Variants in FGR observed in about 807,000 individuals in gnomAD.
FGR encodes FGR proto-oncogene, Src family tyrosine kinase.
A neutral mutation model predicts 63.2 loss-of-function variants in FGR; 26 were observed. The ratio of observed to expected loss-of-function variants is 0.41; its 90% CI spans 0.30 to 0.57. The LOEUF is 0.57. FGR is among the 20% of genes least tolerant of loss of function. The pLI, the probability that FGR is intolerant of heterozygous loss-of-function variation, is 0.27. For synonymous variants in FGR, 286 were observed against 277.7 expected, an observed-to-expected ratio of 1.03 and a Z score of -0.30; for missense variants, 511 against 690.8, an observed-to-expected ratio of 0.74 and a Z score of 2.92.
chr1:27,634,467 C>T (rs573409062), intron 1 of FGR, among the ~76,000 whole-genome samples: 78 of 152,306 alleles, frequency 5.1e-4, no homozygotes, highest in African/African-American at 1.8e-3. Flanking sequence ...CGGCCGCTAA[C>T]GTTACCCTGC....
At position 27,623,136 on chromosome 1, in the gene FGR, C is replaced by A. The variant is rs749974945; in HGVS notation, c.235G>T (p.Val79Leu). The change falls in exon 4 of 13, where the codon GTG becomes TTG. Residue 79 changes from valine (V) to leucine (L), a missense_variant. By Grantham distance (32) the Val-to-Leu change is conservative (BLOSUM62 1). Transcript: ENST00000374005. ...TCATACAGGGCAATGAACAGGGTCA[C>A]CCCAATCCCTGCAGAGTCAGGGCTA... ...GTIRGVSGIGVTLFIALYDYE... is the reference protein window; with the variant it reads ...GTIRGVSGIGLTLFIALYDYE... The A allele has an allele frequency of 6.2e-6, 10 of 1,613,344 alleles. No homozygotes were observed. In the East Asian group the frequency reaches 2.2e-4, roughly 36 times the overall value.
chr1:27,632,607 G>A (rs1557742189), intron 1 of FGR, among the ~76,000 whole-genome samples: 1 of 152,158 alleles, frequency 6.6e-6, no homozygotes, highest in Non-Finnish European at 1.5e-5. Flanking sequence ...GAGGCCATTA[G>A]CAGTTTTTTC....
rs1023215886 is a variant in FGR, at chr1:27,616,468, A to C, written c.682+389T>G. 6.6e-6 allele frequency among the ~76,000 whole-genome samples: 1 copy of C among 152,206 alleles called. No individual in the cohort carries two copies. Among genetic ancestry groups the C allele is most frequent in the African/African-American group, 2.4e-5 (1 of 41,458 alleles). ...GCATCCAAGCTCCACCAGCAGCCAG[A>C]GTTTCTCACAAAAGTGAGACCAGCC... On this transcript the variant is annotated intron_variant, in intron 7 of 12. Transcript: ENST00000374005. This position sits in a 1 kb window ranked among gnomAD's most constrained non-coding sequence, Gnocchi z 4.3.
chr1:27,623,176 G>A (rs1395608695), intron 3 of FGR, 32 bp from the exon 4 acceptor site: 1 of 1,541,014 alleles, frequency 6.5e-7, no homozygotes, highest in Non-Finnish European at 9.0e-7. Context: ...GCAGGGTAGG[G>A]CATGGGGCAG....
At chr1:27,623,302 G>A in intron 3 of FGR, 158 bp from the exon 4 acceptor site, 1 of 623,474 alleles carries the variant, frequency 1.6e-6, no homozygotes, top group South Asian at 1.9e-5. Context: ...TTTCTGATTT[G>A]GTCTCCACAG....
Position 27,612,774 on chromosome 1 carries a change from G to T in FGR, c.*140C>A. On this transcript the variant is annotated 3_prime_UTR_variant, in exon 13 of 13. Transcript: ENST00000374005. ...TCTGTAAAACAAGTAGGTTGCCCTAGGTGGTGTCAGAGCAGCCACGTCCTC... is the reference window on the plus strand; with the variant it reads ...TCTGTAAAACAAGTAGGTTGCCCTATGTGGTGTCAGAGCAGCCACGTCCTC... The T allele has an allele frequency of 1.4e-6, 1 of 730,394 alleles. No homozygotes were observed. The highest frequency in any genetic ancestry group is 2.2e-6 in the Non-Finnish European group (1 of 444,840). 45.2% of individuals were successfully genotyped at this position (730,394 alleles called of 1,614,324 possible). A position where few individuals can be genotyped will look rare whatever the true frequency, so the allele number is the denominator to read the frequency against.
intron 1 of FGR, among the ~76,000 whole-genome samples, chr1:27,632,119 G>GTTCTTCTTC (rs528582306): frequency 2.7e-5 from 4 of 147,266 alleles, no homozygotes; most frequent in South Asian, 4.5e-4. Flanking sequence ...TTCTTTCTTT[G>GTTCTTCTTC]TTCTTCTTCT....
chr1:27,630,050 A>AT (rs201309223), intron 1 of FGR, among the ~76,000 whole-genome samples: 11 of 151,788 alleles, frequency 7.2e-5, no homozygotes, highest in South Asian at 2.1e-4. Flanking sequence ...ACATTATGAG[A>AT]TTTTTTTTGT....
chr1:27,634,637 C>T (rs935374667), intron 1 of FGR, among the ~76,000 whole-genome samples: 1 of 152,010 alleles, frequency 6.6e-6, no homozygotes, highest in African/African-American at 2.4e-5. Flanking sequence ...ACCCATTTCC[C>T]CTCTCCTGGA....
chr1:27,633,211 C>G (rs1460130816), intron 1 of FGR, among the ~76,000 whole-genome samples: 1 of 152,170 alleles, frequency 6.6e-6, no homozygotes, highest in African/African-American at 2.4e-5. Flanking sequence ...ATTCAGGCCT[C>G]AGCTCAGGCT....
At chr1:27,626,982 C>CAT (rs2090031379) in intron 1 of FGR, among the ~76,000 whole-genome samples, 1 of 151,630 alleles carries the variant, frequency 6.6e-6, no homozygotes, top group Non-Finnish European at 1.5e-5. Flanking sequence ...GCCTGAGCAA[C>CAT]ATAGGGACAC....
intron 10 of FGR, 81 bp downstream of exon 10, chr1:27,614,769 C>T: frequency 2.8e-6 from 4 of 1,426,832 alleles, no homozygotes; most frequent in Non-Finnish European, 3.9e-6. Context: ...GGCCGCCCTC[C>T]CAGGCGTTTG....
intron 1 of FGR, among the ~76,000 whole-genome samples, chr1:27,629,540 G>A (rs938722044): frequency 1.2e-4 from 18 of 152,242 alleles, no homozygotes; most frequent in Middle Eastern, 6.8e-3. Context: ...GGAAAAAGAC[G>A]GAGGGAGAGC....
intron 1 of FGR, among the ~76,000 whole-genome samples, chr1:27,634,845 C>T (rs977310579): frequency 2.0e-5 from 3 of 152,154 alleles, no homozygotes; most frequent in East Asian, 1.9e-4. Context: ...TGCTCCCCTC[C>T]GCCCTCTCCT....
In FGR at chr1:27,624,263, TCTCACTCTGTTGCCCAG is replaced by T. The variant is rs2089982297; in HGVS notation, c.-13-351_-13-335del. Among the ~76,000 whole-genome samples the T allele has an allele frequency of 4.6e-5, 7 of 152,344 alleles. No homozygotes were observed. In the South Asian group the frequency reaches 1.4e-3, roughly 32 times the overall value. The stretch of plus-strand genomic sequence containing the variant: ...TTTTTTGTTTTGTTTTGAGACAAGA[TCTCACTCTGTTGCCCAG>T]GCTGGAGTGCAGTGGCACAATCATA... On this transcript the variant is annotated intron_variant, in intron 2 of 12. Coordinates refer to ENST00000374005, the MANE Select transcript of FGR (RefSeq NM_005248.3).
chr1:27,620,894 A>G (rs1259546067), intron 5 of FGR, among the ~76,000 whole-genome samples: 2 of 150,010 alleles, frequency 1.3e-5, no homozygotes, highest in East Asian at 3.9e-4. Flanking sequence ...AGGCATGGTG[A>G]AAGAATCATC....
At chr1:27,621,701 C>T (rs1390432586) in intron 4 of FGR, 44 bp from the exon 5 acceptor site, 3 of 1,466,688 alleles carry the variant, frequency 2.0e-6, no homozygotes, top group East Asian at 4.5e-5. Context: ...CCTCCAGCCC[C>T]CAAGGCACCC....
chr1:27,618,530 T>C (rs2089858896), intron 5 of FGR, among the ~76,000 whole-genome samples: 1 of 152,068 alleles, frequency 6.6e-6, no homozygotes, highest in Non-Finnish European at 1.5e-5. Context: ...CTCTCAGTGC[T>C]TGGTGACACT....
chr1:27,619,181 A>T (rs2089873950), intron 5 of FGR, among the ~76,000 whole-genome samples: 2 of 152,176 alleles, frequency 1.3e-5, no homozygotes, highest in African/African-American at 4.8e-5. Context: ...TAGCTTTTTT[A>T]AAAATTTTTA....
Sources: allele counts gnomAD v4.1 joint callset (sites outside exome capture counted in the v4.1 genomes callset), GRCh38; gene constraint gnomAD v4.1.1; non-coding constraint Gnocchi (gnomAD v3.1); transcripts MANE v1.5; gene names NCBI Gene and HGNC (gene_info 2026-07-23, HGNC 2026-07-21).